Variants in STX17 observed in about 807,000 individuals in gnomAD.
STX17 encodes the protein syntaxin-17.
Under a neutral mutation model 35.9 loss-of-function variants are expected in STX17, and 29 were observed. The ratio of observed to expected loss-of-function variants is 0.81; its 90% CI spans 0.60 to 1.10. The LOEUF (loss-of-function observed/expected upper bound fraction) is 1.10. STX17 is among the 50% of genes least tolerant of loss of function. The pLI is 0.00. For missense variants in STX17, 312 were observed against 352.3 expected, an observed-to-expected ratio of 0.89 and a Z score of 0.92; for synonymous variants, 92 against 118.3, an observed-to-expected ratio of 0.78 and a Z score of 1.44.
intron 4 of STX17, among the ~76,000 whole-genome samples, chr9:99,959,031 G>C (rs1432274288): frequency 1.3e-5 from 2 of 152,116 alleles, no homozygotes; most frequent in African/African-American, 4.8e-5. Context: ...TTACTTCCCT[G>C]CTTTCAACAC....
chr9:99,957,488 A>G (rs913166331), intron 4 of STX17, among the ~76,000 whole-genome samples: 1 of 152,120 alleles, frequency 6.6e-6, no homozygotes, highest in African/African-American at 2.4e-5. Flanking sequence ...AGAAAATGTA[A>G]GTGGTAGGTG....
chr9:99,944,776 A>C (rs1829443832), intron 3 of STX17, among the ~76,000 whole-genome samples: 1 of 152,100 alleles, frequency 6.6e-6, no homozygotes. Flanking sequence ...TCAGCCTCCC[A>C]AAGTGTTAGG....
chr9:99,939,484 A>T (rs958345707), intron 3 of STX17, among the ~76,000 whole-genome samples: 26 of 152,224 alleles, frequency 1.7e-4, no homozygotes, highest in African/African-American at 6.3e-4. Context: ...TATACCTCTA[A>T]GAAAGAAAAA....
intron 1 of STX17, among the ~76,000 whole-genome samples, chr9:99,907,575 A>G (rs1828576747): frequency 6.6e-6 from 1 of 152,228 alleles, no homozygotes; most frequent in South Asian, 2.1e-4. Flanking sequence ...CTCTCCAAGT[A>G]TTAATGCAGT....
intron 3 of STX17, 148 bp downstream of exon 3, chr9:99,928,991 A>C: frequency 1.6e-6 from 1 of 617,914 alleles, no homozygotes; most frequent in Non-Finnish European, 2.7e-6. Flanking sequence ...AAATTGCTGA[A>C]TCACATGCCA....
At chr9:99,924,642 A>T (rs192587539) in intron 2 of STX17, among the ~76,000 whole-genome samples, 1 of 152,258 alleles carries the variant, frequency 6.6e-6, no homozygotes, top group African/African-American at 2.4e-5. Context: ...CCACCTTTTA[A>T]TATTATGTAG....
At chr9:99,932,802 A>G (rs540117931) in intron 3 of STX17, among the ~76,000 whole-genome samples, 2 of 152,230 alleles carry the variant, frequency 1.3e-5, no homozygotes, top group Non-Finnish European at 2.9e-5. Flanking sequence ...ATAGATTTCT[A>G]CTTTGCTAGT....
intron 2 of STX17, among the ~76,000 whole-genome samples, chr9:99,924,184 T>C (rs4614054): frequency 0.27 from 40,417 of 152,142 alleles, 6,198 homozygotes; most frequent in Non-Finnish European, 0.35. Context: ...GGACCCCCTC[T>C]GGAATGAGTG....
chr9:99,967,587 A>G, intron 6 of STX17, 66 bp from the exon 7 acceptor site: 1 of 1,451,616 alleles, frequency 6.9e-7, no homozygotes. Context: ...AGGAATTAAA[A>G]TAGTGTGTGT....
chr9:99,968,373 C>T (rs1173420771), intron 7 of STX17, 61 bp from the exon 8 acceptor site: 5 of 1,504,066 alleles, frequency 3.3e-6, no homozygotes, highest in African/African-American at 1.4e-5. Context: ...GGAAAACGCA[C>T]ATCACCACAG....
At chr9:99,921,967 T>C (rs1041006830) in intron 2 of STX17, among the ~76,000 whole-genome samples, 19 of 152,144 alleles carry the variant, frequency 1.2e-4, no homozygotes, top group Non-Finnish European at 2.9e-5. Flanking sequence ...GGAAAAAATA[T>C]GGAGTTGAAT....
intron 2 of STX17, among the ~76,000 whole-genome samples, chr9:99,917,005 T>G (rs996147865): frequency 6.6e-6 from 1 of 152,230 alleles, no homozygotes; most frequent in Non-Finnish European, 1.5e-5. Context: ...AGAATGGTTA[T>G]ATTACTGATT....
intron 7 of STX17, 62 bp from the exon 8 acceptor site, chr9:99,968,372 A>T (rs1465590737): frequency 1.3e-6 from 2 of 1,504,546 alleles, no homozygotes. Flanking sequence ...AGGAAAACGC[A>T]CATCACCACA....
intron 1 of STX17, chr9:99,907,298 G>C (rs1166372583): frequency 6.6e-6 from 1 of 152,222 alleles, no homozygotes; most frequent in Non-Finnish European, 1.5e-5. Flanking sequence ...TCCAAATTCG[G>C]TATCTCTTCC....
intron 3 of STX17, among the ~76,000 whole-genome samples, chr9:99,932,723 T>C (rs1829150635): frequency 6.6e-6 from 1 of 152,198 alleles, no homozygotes; most frequent in East Asian, 1.9e-4. Flanking sequence ...ATTAGAGTAG[T>C]AAGATTGAAG....
At chr9:99,962,567 T>C (rs1043740354) in intron 6 of STX17, among the ~76,000 whole-genome samples, 16 of 152,186 alleles carry the variant, frequency 1.1e-4, no homozygotes, top group African/African-American at 3.4e-4. Flanking sequence ...TCTTACTCAG[T>C]ACAAACACAT....
At chr9:99,966,437 A>T (rs1829911313) in intron 6 of STX17, among the ~76,000 whole-genome samples, 1 of 152,236 alleles carries the variant, frequency 6.6e-6, no homozygotes, top group Non-Finnish European at 1.5e-5. Context: ...CATGTTTTCA[A>T]ATGAAATAAT....
At chr9:99,951,704 GACA>G (rs1239797758) in intron 4 of STX17, among the ~76,000 whole-genome samples, 2 of 151,880 alleles carry the variant, frequency 1.3e-5, no homozygotes, top group Non-Finnish European at 2.9e-5. Flanking sequence ...CTGAATAACT[GACA>G]ACATTAAGTA....
At chr9:99,967,440 C>A in intron 6 of STX17, 2 of 403,722 alleles carry the variant, frequency 5.0e-6, no homozygotes, top group African/African-American at 2.0e-5. Flanking sequence ...AAAGTTGCCA[C>A]CCTTTTATTA....
Sources: gnomAD v4.1 joint callset for allele counts (sites outside exome capture counted in the v4.1 genomes callset) on GRCh38, gnomAD v4.1.1 for gene constraint, MANE v1.5 for transcripts, NCBI Gene and HGNC (gene_info 2026-07-23, HGNC 2026-07-21) for gene names.